PDCD6IP: variants seen among roughly 807,000 people sequenced by gnomAD.
PDCD6IP encodes programmed cell death 6-interacting protein.
Under a neutral mutation model 103.7 loss-of-function variants are expected in PDCD6IP, and 43 were observed. The observed-to-expected ratio is 0.41, with a 90% CI of 0.32 to 0.53. The LOEUF is 0.53. PDCD6IP is among the 20% of genes least tolerant of loss of function. The pLI is 0.16. For missense variants in PDCD6IP, 871 were observed against 1,036.7 expected (o/e 0.84, Z 2.20); for synonymous variants, 354 against 378.7 (o/e 0.93, Z 0.76).
intron 3 of PDCD6IP, among the ~76,000 whole-genome samples, chr3:33,815,754 T>C (rs1559775831): frequency 6.6e-6 from 1 of 152,216 alleles, no homozygotes; most frequent in Non-Finnish European, 1.5e-5. Flanking sequence ...TATTCCTCTT[T>C]AGTAGAAAGG....
chr3:33,817,831 G>A lies in PDCD6IP; in HGVS notation c.335-4124G>A, dbSNP rs186624857. ...AGAATACAGTTAAATACTTAGAAAG[G>A]CATCTTTGAAAAAAAGGAAAATTAA... On this transcript the variant is annotated intron_variant, in intron 3 of 17. Transcript: ENST00000307296. Among the ~76,000 whole-genome samples, 11 of 151,736 alleles carry A rather than the reference G, an allele frequency of 7.2e-5. No homozygotes were observed. In the East Asian group the frequency reaches 9.7e-4, roughly 13 times the overall value.
At chr3:33,851,667 C>G (rs1176408117) in intron 12 of PDCD6IP, among the ~76,000 whole-genome samples, 4 of 151,756 alleles carry the variant, frequency 2.6e-5, no homozygotes, top group Admixed American at 2.6e-4. Flanking sequence ...GAAATGGGGT[C>G]TCACTTTGTT....
At chr3:33,858,002 A>G (rs917002995) in intron 15 of PDCD6IP, among the ~76,000 whole-genome samples, 6 of 152,198 alleles carry the variant, frequency 3.9e-5, no homozygotes, top group Admixed American at 2.6e-4. Flanking sequence ...AACTAGCACT[A>G]TTTACAGACA....
chr3:33,845,326 T>C, intron 11 of PDCD6IP, 93 bp from the exon 12 acceptor site: 1 of 859,382 alleles, frequency 1.2e-6, no homozygotes, highest in Non-Finnish European at 1.8e-6. Flanking sequence ...GGAGGATAAG[T>C]AAAGTTGGAG....
chr3:33,825,366 C>T (rs780253322), intron 5 of PDCD6IP, 26 bp downstream of exon 5: 2 of 1,564,696 alleles, frequency 1.3e-6, no homozygotes, highest in Admixed American at 2.0e-5. Flanking sequence ...CTTTTTGTTG[C>T]ATGTGAAAAA....
At chr3:33,811,702 G>A (rs1016894602) in intron 1 of PDCD6IP, among the ~76,000 whole-genome samples, 1 of 152,152 alleles carries the variant, frequency 6.6e-6, no homozygotes, top group Non-Finnish European at 1.5e-5. Context: ...TTTAAAAGTC[G>A]GTAAACCTGT....
At chr3:33,846,317 G>A (rs1471758081) in intron 12 of PDCD6IP, among the ~76,000 whole-genome samples, 1 of 152,166 alleles carries the variant, frequency 6.6e-6, no homozygotes, top group African/African-American at 2.4e-5. Flanking sequence ...TTCCATAGAA[G>A]CATTTTATAT....
At chr3:33,846,994 A>G (rs571401977) in intron 12 of PDCD6IP, among the ~76,000 whole-genome samples, 21 of 152,332 alleles carry the variant, frequency 1.4e-4, no homozygotes, top group Middle Eastern at 3.4e-3. Context: ...GGGGAACCCA[A>G]TGGAACAAGG....
At chr3:33,862,929 A>G (rs1267334879) in intron 15 of PDCD6IP, among the ~76,000 whole-genome samples, 2 of 152,162 alleles carry the variant, frequency 1.3e-5, no homozygotes, top group Non-Finnish European at 2.9e-5. Flanking sequence ...TGTAACTGTG[A>G]TCTCTGAAAA....
At chr3:33,846,209 G>A (rs1397640142) in intron 12 of PDCD6IP, among the ~76,000 whole-genome samples, 1 of 152,182 alleles carries the variant, frequency 6.6e-6, no homozygotes, top group African/African-American at 2.4e-5. Flanking sequence ...AGGAAAACAA[G>A]CGAAAGGGCA....
chr3:33,835,642 T>C (rs1390462416), intron 7 of PDCD6IP, among the ~76,000 whole-genome samples: 1 of 152,126 alleles, frequency 6.6e-6, no homozygotes, highest in East Asian at 1.9e-4. Flanking sequence ...TGCTTGAACC[T>C]GGGAGGTGGA....
chr3:33,858,558 C>T (rs1256191810), intron 15 of PDCD6IP, among the ~76,000 whole-genome samples: 1 of 152,004 alleles, frequency 6.6e-6, no homozygotes, highest in Non-Finnish European at 1.5e-5. Context: ...CGCCTGAAAT[C>T]CCAGCACTTT....
At position 33,845,539 on chromosome 3, in the gene PDCD6IP, A is replaced by G. The variant is rs755610827; in HGVS notation, c.1592A>G (p.Asn531Ser). The G allele has an allele frequency of 8.1e-5, 130 of 1,613,184 alleles. No homozygotes were observed. The highest frequency in any genetic ancestry group is 1.1e-4 in the Non-Finnish European group (127 of 1,179,498). ...TTGTGTAAGCCAGAGCCTGAGCTGA[A>G]TGCTGCCATCCCTTCTGCTAATCCA... Reference protein sequence around the residue: ...VLLCKPEPELNAAIPSANPAK... With the variant: ...VLLCKPEPELSAAIPSANPAK... The change falls in exon 12 of 18, where the codon AAT (asparagine) becomes AGT (serine). Residue 531 changes from asparagine to serine, a missense_variant. By Grantham distance (46) the Asn-to-Ser change is conservative. Around this residue, in one of 5 missense-constraint regions of PDCD6IP, gnomAD observed 266 missense variants for 390.5 expected, o/e 0.68. Transcript: ENST00000307296.
At chr3:33,850,468 T>C (rs1193210242) in intron 12 of PDCD6IP, among the ~76,000 whole-genome samples, 1 of 152,238 alleles carries the variant, frequency 6.6e-6, no homozygotes, top group East Asian at 1.9e-4. Context: ...TAAGTAACCA[T>C]ATTCGTTAGT....
At chr3:33,810,066 G>T (rs553144915) in intron 1 of PDCD6IP, among the ~76,000 whole-genome samples, 1 of 152,124 alleles carries the variant, frequency 6.6e-6, no homozygotes, top group Non-Finnish European at 1.5e-5. Flanking sequence ...TAAATATTTT[G>T]TGGGGAGATA....
chr3:33,861,013 A>C (rs746610308), intron 15 of PDCD6IP, among the ~76,000 whole-genome samples: 6,494 of 151,018 alleles, frequency 0.043, 192 homozygotes, highest in South Asian at 0.076. Context: ...AAAAAAAAAA[A>C]CAGGTGAAAT....
rs115422976 is a variant in PDCD6IP, at chr3:33,860,393, T to C, written c.2121-3613T>C. ...AGGCCAAAATCCTTTGAAATCTTAC[T>C]GGATATAATGTATACCGGAAAAGTA... On this transcript the variant is annotated intron_variant, in intron 15 of 17. Transcript: ENST00000307296. Among the ~76,000 whole-genome samples the C allele has an allele frequency of 3.5e-3, 533 of 152,316 alleles. 2 individuals carry two copies. Among genetic ancestry groups the C allele is most frequent in the African/African-American group, 0.012 (503 of 41,574 alleles).
intron 3 of PDCD6IP, among the ~76,000 whole-genome samples, chr3:33,818,432 T>C (rs537962749): frequency 1.3e-5 from 2 of 150,946 alleles, no homozygotes; most frequent in South Asian, 4.2e-4. Flanking sequence ...TTCCTTGCTC[T>C]CTCCTGCCAC....
intron 12 of PDCD6IP, among the ~76,000 whole-genome samples, chr3:33,850,379 A>C (rs1188898365): frequency 6.6e-6 from 1 of 152,006 alleles, no homozygotes; most frequent in African/African-American, 2.4e-5. Flanking sequence ...TGAGTGTGTA[A>C]AAAATGTTCA....
Sources: allele counts gnomAD v4.1 joint callset (sites outside exome capture counted in the v4.1 genomes callset), GRCh38; gene constraint gnomAD v4.1.1; regional missense constraint gnomAD v4.1.1; transcripts MANE v1.5; gene names NCBI Gene and HGNC (gene_info 2026-07-23, HGNC 2026-07-21).